Variants in NCAM1 observed in about 807,000 individuals in gnomAD.
NCAM1 encodes the protein antigen recognized by monoclonal antibody 5.1H11.
A neutral mutation model predicts 109.8 loss-of-function variants in NCAM1; 14 were observed. The ratio of observed to expected loss-of-function variants is 0.13; its 90% confidence interval spans 0.08 to 0.20. The LOEUF (loss-of-function observed/expected upper bound fraction) is 0.20, where lower values mean the gene tolerates loss of function less well. Ranked by LOEUF, NCAM1 falls within the 10% of genes least tolerant of loss-of-function variation. The probability of loss-of-function intolerance (pLI) is 1.00; values close to 1 mark genes in which losing one functional copy is unlikely to be tolerated. For synonymous variants in NCAM1, 418 were observed against 442.9 expected (o/e 0.94, Z 0.70); for missense variants, 774 against 1,109.9 (o/e 0.70, Z 4.30).
At chr11:113,247,624 G>C (rs1183576783) in intron 15 of NCAM1, among the ~76,000 whole-genome samples, 1 of 152,120 alleles carries the variant, frequency 6.6e-6, no homozygotes, top group Non-Finnish European at 1.5e-5. Context: ...CCAGACTCCT[G>C]GACTTGCCTA....
intron 1 of NCAM1, among the ~76,000 whole-genome samples, chr11:113,151,060 A>G (rs1555102382): frequency 6.6e-6 from 1 of 152,202 alleles, no homozygotes; most frequent in Admixed American, 6.5e-5. Context: ...ATTGAGCACA[A>G]AACTGTGCAA....
At chr11:113,156,082 A>G (rs947480960) in intron 1 of NCAM1, among the ~76,000 whole-genome samples, 8 of 152,210 alleles carry the variant, frequency 5.3e-5, no homozygotes, top group Non-Finnish European at 2.9e-5. Context: ...GAAAGAGAAT[A>G]GAGATGGATG....
intron 1 of NCAM1, among the ~76,000 whole-genome samples, chr11:112,966,702 GTC>G (rs1950737092): frequency 6.6e-6 from 1 of 152,212 alleles, no homozygotes; most frequent in East Asian, 1.9e-4. Context: ...TTGAAATACT[GTC>G]TCTCAGCTGC....
At chr11:113,115,924 A>G (rs1421857086) in intron 1 of NCAM1, among the ~76,000 whole-genome samples, 2 of 152,222 alleles carry the variant, frequency 1.3e-5, no homozygotes, top group Non-Finnish European at 2.9e-5. Flanking sequence ...AGTTTAGAAT[A>G]TGGATCTCCT....
At chr11:113,027,219 A>G (rs1247966139) in intron 1 of NCAM1, among the ~76,000 whole-genome samples, 2 of 152,252 alleles carry the variant, frequency 1.3e-5, no homozygotes, top group African/African-American at 2.4e-5. Flanking sequence ...AAGCCTAGGA[A>G]TTATGTTTAT....
At chr11:113,102,874 A>G (rs1482916220) in intron 1 of NCAM1, among the ~76,000 whole-genome samples, 1 of 152,224 alleles carries the variant, frequency 6.6e-6, no homozygotes, top group Non-Finnish European at 1.5e-5. Flanking sequence ...CTTTGGAAAC[A>G]GTTAGAATCT....
At chr11:113,113,503 C>T (rs534126832) in intron 1 of NCAM1, among the ~76,000 whole-genome samples, 1 of 152,156 alleles carries the variant, frequency 6.6e-6, no homozygotes, top group African/African-American at 2.4e-5. Flanking sequence ...CAGTATTATC[C>T]CATTCACTCC....
chr11:113,197,137 C>G (rs954956853), intron 1 of NCAM1: 5 of 184,264 alleles, frequency 2.7e-5, no homozygotes, highest in Admixed American at 2.2e-4. Flanking sequence ...GAAACTGCCC[C>G]CATGACCCAG....
At chr11:113,025,625 T>C (rs941550134) in intron 1 of NCAM1, among the ~76,000 whole-genome samples, 5 of 151,548 alleles carry the variant, frequency 3.3e-5, no homozygotes, top group African/African-American at 1.2e-4. Context: ...ACAAAGAAAG[T>C]GCCCTCTGAT....
At chr11:113,024,082 C>A (rs1376173273) in intron 1 of NCAM1, among the ~76,000 whole-genome samples, 1 of 152,150 alleles carries the variant, frequency 6.6e-6, no homozygotes, top group Non-Finnish European at 1.5e-5. Context: ...GTAACACTTA[C>A]TCAGCTTGAG....
chr11:113,009,190 C>T (rs1951967582), intron 1 of NCAM1, among the ~76,000 whole-genome samples: 1 of 151,942 alleles, frequency 6.6e-6, no homozygotes, highest in African/African-American at 2.4e-5. Flanking sequence ...TCATGTAGGA[C>T]CACGTCGGTA....
At chr11:113,219,675 A>G (rs1413553577) in intron 8 of NCAM1, among the ~76,000 whole-genome samples, 3 of 152,214 alleles carry the variant, frequency 2.0e-5, no homozygotes, top group African/African-American at 4.8e-5. Flanking sequence ...ACTAGCAACT[A>G]CTTATTCTAA....
chr11:112,990,055 G>A (rs1951415978), intron 1 of NCAM1, among the ~76,000 whole-genome samples: 1 of 152,166 alleles, frequency 6.6e-6, no homozygotes, highest in East Asian at 1.9e-4. Flanking sequence ...GGGGCCTGTG[G>A]GTGGCCAGCC....
At chr11:113,019,895 C>T (rs556128783) in intron 1 of NCAM1, among the ~76,000 whole-genome samples, 7 of 152,246 alleles carry the variant, frequency 4.6e-5, no homozygotes, top group South Asian at 2.1e-4. Context: ...CTTTCATTGC[C>T]GTTTTTCTGC....
chr11:113,269,611 C>G (rs189432156), intron 17 of NCAM1: 1 of 156,498 alleles, frequency 6.4e-6, no homozygotes, highest in Admixed American at 6.2e-5. Context: ...AACTATGAAC[C>G]CAGTGTGCTC....
chr11:113,120,716 A>G (rs782491494), intron 1 of NCAM1, among the ~76,000 whole-genome samples: 150 of 152,202 alleles, frequency 9.9e-4, no homozygotes, highest in African/African-American at 3.5e-3. Context: ...TTAACAAGAG[A>G]AAAGAATAAC....
At chr11:113,048,786 G>T (rs1953359816) in intron 1 of NCAM1, among the ~76,000 whole-genome samples, 1 of 152,190 alleles carries the variant, frequency 6.6e-6, no homozygotes. Flanking sequence ...TCCCCATGGA[G>T]AATCAAATGA....
At chr11:113,232,022 C>T in intron 10 of NCAM1, 148 bp from the exon 11 acceptor site, 1 of 944,520 alleles carries the variant, frequency 1.1e-6, no homozygotes, top group Non-Finnish European at 1.5e-6. Flanking sequence ...CCATGCTGTG[C>T]ACAGGAATTC....
At chr11:113,059,608 T>C (rs573441005) in intron 1 of NCAM1, among the ~76,000 whole-genome samples, 1 of 152,310 alleles carries the variant, frequency 6.6e-6, no homozygotes, top group South Asian at 2.1e-4. Context: ...ACTTCTTACA[T>C]GGCAGCTGGT....
Sources: gnomAD v4.1 joint callset for allele counts (sites outside exome capture counted in the v4.1 genomes callset) on GRCh38, gnomAD v4.1.1 for gene constraint, MANE v1.5 for transcripts, NCBI Gene and HGNC (gene_info 2026-07-23, HGNC 2026-07-21) for gene names.